Variants in EIF2B3 observed in about 807,000 individuals in gnomAD.
EIF2B3 encodes translation initiation factor eIF2B subunit gamma.
EIF2B3 carries 20 observed loss-of-function variants against 54.1 expected under a neutral mutation model. The ratio of observed to expected loss-of-function variants is 0.37; its 90% CI spans 0.26 to 0.54. The LOEUF (loss-of-function observed/expected upper bound fraction) is 0.54. Ranked by LOEUF, EIF2B3 falls within the 20% of genes least tolerant of loss-of-function variation. The pLI is 0.86. For missense variants in EIF2B3, 448 were observed against 547.8 expected, an observed-to-expected ratio of 0.82 and a Z score of 1.82; for synonymous variants, 153 against 188.1, an observed-to-expected ratio of 0.81 and a Z score of 1.52.
chr1:44,887,933 A>G (rs1394894044), intron 6 of EIF2B3, among the ~76,000 whole-genome samples: 1 of 152,166 alleles, frequency 6.6e-6, no homozygotes, highest in Non-Finnish European at 1.5e-5. Flanking sequence ...AGGCACCTAA[A>G]TGACTAATTG....
At chr1:44,926,108 A>G (rs1231428350) in intron 5 of EIF2B3, among the ~76,000 whole-genome samples, 1 of 147,874 alleles carries the variant, frequency 6.8e-6, no homozygotes, top group African/African-American at 2.5e-5. Context: ...CATACCTGTA[A>G]TCCCAGCTAC....
rs1655783501 is a variant in EIF2B3, at chr1:44,891,089, A to C, written c.656+6266T>G. 3.3e-5 allele frequency among the ~76,000 whole-genome samples: 5 copies of C among 151,886 alleles called. No individual in the cohort carries two copies. The South Asian group carries it at 1.0e-3, about 32-fold the overall frequency. On this transcript the variant is annotated intron_variant, in intron 6 of 11. Transcript: ENST00000360403. ...ATACGGTAGATGGGAAAAAAAAGAG[A>C]CTTTTTTTAAATTTTTAAATTTTTT...
chr1:44,970,478 C>T (rs1644388488), intron 3 of EIF2B3, among the ~76,000 whole-genome samples: 2 of 151,952 alleles, frequency 1.3e-5, no homozygotes, highest in African/African-American at 4.8e-5. Context: ...CTTATCTTAC[C>T]TAAAATCTTA....
intron 1 of EIF2B3, among the ~76,000 whole-genome samples, chr1:44,982,216 A>C (rs1234202680): frequency 6.6e-6 from 1 of 152,202 alleles, no homozygotes; most frequent in Non-Finnish European, 1.5e-5. Context: ...CAAGGTAATA[A>C]ACAAACCTAT....
At chr1:44,870,750 T>C (rs1431236972) in intron 10 of EIF2B3, among the ~76,000 whole-genome samples, 1 of 152,084 alleles carries the variant, frequency 6.6e-6, no homozygotes, top group Non-Finnish European at 1.5e-5. Context: ...CCTCCAGGGT[T>C]CAAGTGACCT....
chr1:44,892,579 G>A (rs1026362915), intron 6 of EIF2B3, among the ~76,000 whole-genome samples: 19 of 151,426 alleles, frequency 1.3e-4, no homozygotes, highest in Non-Finnish European at 2.7e-4. Flanking sequence ...GCAAGATCCT[G>A]TCTCTTAAAA....
At chr1:44,962,640 C>A (rs533764348) in intron 3 of EIF2B3, among the ~76,000 whole-genome samples, 1 of 152,252 alleles carries the variant, frequency 6.6e-6, no homozygotes, top group South Asian at 2.1e-4. Flanking sequence ...GCCTCAAACT[C>A]CTGGGCTCAA....
intron 3 of EIF2B3, among the ~76,000 whole-genome samples, chr1:44,974,677 T>C (rs1175788682): frequency 6.6e-6 from 1 of 151,790 alleles, no homozygotes; most frequent in Non-Finnish European, 1.5e-5. Flanking sequence ...ATTAATGTAA[T>C]TTAATTTTTA....
intron 5 of EIF2B3, among the ~76,000 whole-genome samples, chr1:44,899,120 C>G (rs1656079596): frequency 6.6e-6 from 1 of 152,160 alleles, no homozygotes; most frequent in South Asian, 2.1e-4. Context: ...TGCATTCAGC[C>G]TATGTCTTAA....
chr1:44,855,104 AAG>A (rs1246241777), intron 11 of EIF2B3, among the ~76,000 whole-genome samples: 4 of 151,466 alleles, frequency 2.6e-5, no homozygotes, highest in African/African-American at 7.3e-5. Context: ...AAAAAAAAAA[AAG>A]AAGAAGTAAT....
chr1:44,861,331 G>T (rs1435934908), intron 10 of EIF2B3, among the ~76,000 whole-genome samples: 1 of 152,112 alleles, frequency 6.6e-6, no homozygotes, highest in African/African-American at 2.4e-5. Flanking sequence ...CTTTCAGTTG[G>T]CTACTAGTTT....
intron 5 of EIF2B3, among the ~76,000 whole-genome samples, chr1:44,900,847 T>C (rs1019586414): frequency 6.6e-6 from 1 of 152,214 alleles, no homozygotes; most frequent in African/African-American, 2.4e-5. Context: ...CATGTGCTTG[T>C]TAGCCATTTG....
chr1:44,856,721 T>G (rs557961086), intron 11 of EIF2B3, among the ~76,000 whole-genome samples: 1 of 151,802 alleles, frequency 6.6e-6, no homozygotes, highest in Non-Finnish European at 1.5e-5. Context: ...GTCTACAGAG[T>G]TGGTGGGGTT....
At chr1:44,893,576 A>T (rs1430358202) in intron 6 of EIF2B3, among the ~76,000 whole-genome samples, 1 of 152,218 alleles carries the variant, frequency 6.6e-6, no homozygotes, top group African/African-American at 2.4e-5. Flanking sequence ...ATACCTAATG[A>T]GAGAACTATT....
At chr1:44,905,758 T>C (rs1407757074) in intron 5 of EIF2B3, among the ~76,000 whole-genome samples, 1 of 152,158 alleles carries the variant, frequency 6.6e-6, no homozygotes, top group Non-Finnish European at 1.5e-5. Flanking sequence ...CAAAAATACC[T>C]TCATAACAAC....
intron 6 of EIF2B3, among the ~76,000 whole-genome samples, chr1:44,885,654 T>G (rs1655553457): frequency 6.6e-6 from 1 of 152,244 alleles, no homozygotes; most frequent in East Asian, 1.9e-4. Context: ...GGTATTCCCG[T>G]TATTTATAAA....
chr1:44,853,533 G>A (rs1474536509), intron 11 of EIF2B3, among the ~76,000 whole-genome samples: 1 of 152,112 alleles, frequency 6.6e-6, no homozygotes, highest in Non-Finnish European at 1.5e-5. Context: ...TTGAGCCCGG[G>A]AGGTCAAGGC....
chr1:44,957,511 A>G (rs1157506064), intron 3 of EIF2B3, among the ~76,000 whole-genome samples: 2 of 152,196 alleles, frequency 1.3e-5, no homozygotes, highest in African/African-American at 2.4e-5. Context: ...CTGTGATCCC[A>G]GTACTTTAGG....
chr1:44,962,670 C>A (rs1036776273), intron 3 of EIF2B3, among the ~76,000 whole-genome samples: 2 of 152,128 alleles, frequency 1.3e-5, no homozygotes, highest in African/African-American at 4.8e-5. Context: ...CTGCCTTGGC[C>A]TCCCAAAGTG....
Sources: gnomAD v4.1 joint callset for allele counts (sites outside exome capture counted in the v4.1 genomes callset) on GRCh38, gnomAD v4.1.1 for gene constraint, MANE v1.5 for transcripts, NCBI Gene and HGNC (gene_info 2026-07-23, HGNC 2026-07-21) for gene names.